LYPLAL1: variants seen among roughly 807,000 people sequenced by gnomAD.
The protein encoded by LYPLAL1 is lysophospholipase-like protein 1.
In LYPLAL1, 23 loss-of-function variants were observed where a neutral mutation model predicts 19.7. The observed-to-expected ratio is 1.17, with a 90% CI of 0.84 to 1.65. The LOEUF (loss-of-function observed/expected upper bound fraction) is 1.65. Among genes scored for constraint, LYPLAL1 ranks in the 40% most tolerant of loss-of-function variants. The probability of loss-of-function intolerance (pLI) is 0.00; values close to 1 mark genes in which losing one functional copy is unlikely to be tolerated. For synonymous variants in LYPLAL1, 119 were observed against 96.3 expected, an observed-to-expected ratio of 1.24 and a Z score of -1.38; for missense variants, 355 against 279.4, an observed-to-expected ratio of 1.27 and a Z score of -1.93.
chr1:219,329,108 C>T, the LYPLAL1 span, among the ~76,000 whole-genome samples: 1 of 151,140 alleles, frequency 6.6e-6, no homozygotes, highest in African/African-American at 2.4e-5. Context: ...CAACACTTTT[C>T]AAATTAGTCT....
chr1:219,437,828 G>A, the LYPLAL1 span, among the ~76,000 whole-genome samples: 1 of 151,884 alleles, frequency 6.6e-6, no homozygotes, highest in South Asian at 2.1e-4. Context: ...GTGCAGTGGT[G>A]TGATCTCAGC....
the LYPLAL1 span, among the ~76,000 whole-genome samples, chr1:219,325,903 C>A: frequency 6.6e-6 from 1 of 152,246 alleles, no homozygotes; most frequent in South Asian, 2.1e-4. Context: ...GTATGTCCAT[C>A]CAGGATTGGT....
chr1:219,309,132 C>T, the LYPLAL1 span, among the ~76,000 whole-genome samples: 1 of 152,284 alleles, frequency 6.6e-6, no homozygotes, highest in Non-Finnish European at 1.5e-5. Context: ...AATTTGACTG[C>T]CCCACTGGAT....
At chr1:219,380,365 T>C in the LYPLAL1 span, among the ~76,000 whole-genome samples, 4 of 152,178 alleles carry the variant, frequency 2.6e-5, no homozygotes, top group Non-Finnish European at 5.9e-5. Flanking sequence ...CACGGCACAG[T>C]TGGCGTAGCT....
chr1:219,332,822 GCC>G, the LYPLAL1 span, among the ~76,000 whole-genome samples: 9,206 of 125,418 alleles, frequency 0.073, 409 homozygotes, highest in East Asian at 0.16. Context: ...CTGATTTTCT[GCC>G]CCCCCCCCCC....
At chr1:219,237,272 A>C in the LYPLAL1 span, among the ~76,000 whole-genome samples, 1 of 152,184 alleles carries the variant, frequency 6.6e-6, no homozygotes, top group Non-Finnish European at 1.5e-5. Flanking sequence ...TCACTGTTTA[A>C]ATATTTTATA....
In LYPLAL1 at chr1:219,201,166, T is replaced by A. The variant is rs1351378085; in HGVS notation, c.361+7915T>A. Among the ~76,000 whole-genome samples the A allele has an allele frequency of 3.9e-5, 6 of 152,346 alleles. No homozygotes were observed. The East Asian group carries it at 1.2e-3, about 29-fold the overall frequency. On this transcript the variant is annotated intron_variant, in intron 3 of 4. Coordinates refer to ENST00000366928, the MANE Select transcript of LYPLAL1 (RefSeq NM_138794.5). ...CAGGAAGTGGTAACTAATTTTAATTTGTGCTTAATTTGTTATTTTCAATTC... is the reference window on the plus strand; with the variant it reads ...CAGGAAGTGGTAACTAATTTTAATTAGTGCTTAATTTGTTATTTTCAATTC...
the LYPLAL1 span, among the ~76,000 whole-genome samples, chr1:219,248,641 T>C: frequency 2.6e-5 from 4 of 152,208 alleles, no homozygotes; most frequent in Non-Finnish European, 4.4e-5. Context: ...ATTTCAGCCA[T>C]TGTGGGGACT....
chr1:219,232,377 A>G, the LYPLAL1 span, among the ~76,000 whole-genome samples: 2 of 152,188 alleles, frequency 1.3e-5, no homozygotes, highest in Admixed American at 6.5e-5. Flanking sequence ...CTTACCCTAT[A>G]CTGTATACAA....
chr1:219,216,493 C>G (rs145972934), downstream of LYPLAL1, among the ~76,000 whole-genome samples: 1 of 152,206 alleles, frequency 6.6e-6, no homozygotes, highest in East Asian at 1.9e-4. Context: ...TGTTGCCACA[C>G]TACTCAAGCA....
intron 1 of LYPLAL1, among the ~76,000 whole-genome samples, chr1:219,174,508 C>T (rs1655646981): frequency 6.6e-6 from 1 of 152,174 alleles, no homozygotes; most frequent in Non-Finnish European, 1.5e-5. Flanking sequence ...CTCTCACTTT[C>T]CTTTTTGCTG....
At chr1:219,267,361 A>G in the LYPLAL1 span, among the ~76,000 whole-genome samples, 2 of 152,268 alleles carry the variant, frequency 1.3e-5, no homozygotes, top group South Asian at 2.1e-4. Flanking sequence ...AGTCAATAAC[A>G]ACAACAAAAT....
chr1:219,308,435 A>G, the LYPLAL1 span, among the ~76,000 whole-genome samples: 5 of 152,228 alleles, frequency 3.3e-5, no homozygotes, highest in Non-Finnish European at 7.3e-5. Context: ...ATAATGGGAA[A>G]AATGTCTCAG....
chr1:219,259,145 AC>A, the LYPLAL1 span, among the ~76,000 whole-genome samples: 19 of 152,056 alleles, frequency 1.2e-4, no homozygotes, highest in African/African-American at 4.6e-4. Flanking sequence ...TGAAAAGGGA[AC>A]ACTTTTACAC....
the LYPLAL1 span, among the ~76,000 whole-genome samples, chr1:219,380,356 A>T: frequency 7.9e-5 from 12 of 152,358 alleles, no homozygotes; most frequent in Non-Finnish European, 1.5e-4. Flanking sequence ...GCCCCAGACC[A>T]CGGCACAGTT....
the LYPLAL1 span, among the ~76,000 whole-genome samples, chr1:219,365,512 T>C: frequency 1.7e-4 from 26 of 152,302 alleles, no homozygotes; most frequent in African/African-American, 4.6e-4. Flanking sequence ...GGGACTTGCA[T>C]GAATAGCCTT....
chr1:219,286,339 A>C, the LYPLAL1 span, among the ~76,000 whole-genome samples: 1 of 152,236 alleles, frequency 6.6e-6, no homozygotes, highest in Admixed American at 6.5e-5. Context: ...GATGAATTTC[A>C]GTCCTGATTG....
chr1:219,209,962 C>T (rs571604341), intron 3 of LYPLAL1, among the ~76,000 whole-genome samples: 68 of 152,106 alleles, frequency 4.5e-4, no homozygotes, highest in African/African-American at 1.6e-3. Context: ...TATAGGCATA[C>T]ATGTTTCATT....
the LYPLAL1 span, among the ~76,000 whole-genome samples, chr1:219,375,515 A>AAAG: frequency 1.4e-5 from 2 of 147,932 alleles, no homozygotes; most frequent in African/African-American, 4.9e-5. Flanking sequence ...AAAAAAAAAA[A>AAAG]GGAACAAATA....
Sources: gnomAD v4.1 joint callset for allele counts (sites outside exome capture counted in the v4.1 genomes callset) on GRCh38, gnomAD v4.1.1 for gene constraint, MANE v1.5 for transcripts, NCBI Gene and HGNC (gene_info 2026-07-23, HGNC 2026-07-21) for gene names.